PMEPA1: variants seen among roughly 807,000 people sequenced by gnomAD.
The protein encoded by PMEPA1 is protein TMEPAI.
PMEPA1 carries 11 observed loss-of-function variants against 23.0 expected under a neutral mutation model. That is an observed-to-expected ratio of 0.48 (90% CI 0.30 to 0.79). PMEPA1 has a LOEUF of 0.79. Ranked by LOEUF, PMEPA1 falls within the 30% of genes least tolerant of loss-of-function variation. The pLI, the probability that PMEPA1 is intolerant of heterozygous loss-of-function variation, is 0.06. For synonymous variants in PMEPA1, 204 were observed against 166.4 expected, an observed-to-expected ratio of 1.23 and a Z score of -1.74; for missense variants, 377 against 390.9, an observed-to-expected ratio of 0.96 and a Z score of 0.30.
chr20:57,658,031 GAT>G (rs2071351991), intron 2 of PMEPA1, among the ~76,000 whole-genome samples: 1 of 152,238 alleles, frequency 6.6e-6, no homozygotes, highest in Admixed American at 6.5e-5. Context: ...GCCATTAAGA[GAT>G]TAACTCTGTG....
rs781127805 is a variant in PMEPA1, at chr20:57,683,485, G to A, written c.110-23788C>T. 2.6e-5 allele frequency among the ~76,000 whole-genome samples: 4 copies of A among 151,742 alleles called. No individual in the cohort carries two copies. The highest frequency in any genetic ancestry group is 6.6e-5 in the Admixed American group (1 of 15,230). ...TTCCTGCTTGGGAGCTTCCTGGAGC[G>A]AGCAGCCCTGCATGCATTACGAACT... On this transcript the variant is annotated intron_variant, in intron 1 of 3. Transcript: ENST00000341744. The surrounding 1 kb of genome is among the most constrained non-coding windows in gnomAD (Gnocchi z 4.3).
chr20:57,662,499 C>T (rs753885413), intron 1 of PMEPA1, among the ~76,000 whole-genome samples: 18 of 152,208 alleles, frequency 1.2e-4, no homozygotes, highest in Admixed American at 9.8e-4. Flanking sequence ...AGCCCTGGGC[C>T]GCCTGTGGGA....
At chr20:57,709,276 C>A (rs963161078) in intron 1 of PMEPA1, among the ~76,000 whole-genome samples, 198 bp downstream of exon 1, 2 of 147,796 alleles carry the variant, frequency 1.4e-5, no homozygotes, top group African/African-American at 4.9e-5. Context: ...AGGCTCGCAG[C>A]GCCGCGGGAC....
At chr20:57,676,876 AC>A (rs1028180313) in intron 1 of PMEPA1, among the ~76,000 whole-genome samples, 1 of 152,012 alleles carries the variant, frequency 6.6e-6, no homozygotes, top group African/African-American at 2.4e-5. Flanking sequence ...TCTTGCAAAC[AC>A]ACCCCCCGTC....
At chr20:57,685,313 T>C (rs2071786075) in intron 1 of PMEPA1, among the ~76,000 whole-genome samples, 1 of 152,354 alleles carries the variant, frequency 6.6e-6, no homozygotes, top group African/African-American at 2.4e-5. Context: ...CCGGGGAGTC[T>C]GGGCCGAAAA....
Position 57,650,273 on chromosome 20 carries a change from T to C in PMEPA1, c.*1780A>G, listed in dbSNP as rs1253770546. On this transcript the variant is annotated 3_prime_UTR_variant, in exon 4 of 4. Transcript: ENST00000341744. ...TTTTATATCTTTTATGTTAGTCTAC[T>C]AGTCAGCATTCTGCCCAAAATGGAA... 2.0e-5 allele frequency: 3 copies of C among 152,230 alleles called. No homozygotes were observed. The highest frequency in any genetic ancestry group is 7.2e-5 in the African/African-American group (3 of 41,466). The allele number at this position is 152,230 out of a possible 1,614,324, so 9.4% of individuals were successfully genotyped here.
chr20:57,652,139 G>T lies in PMEPA1; in HGVS notation c.778C>A (p.Arg260=), dbSNP rs774716254. 36 of 1,596,802 alleles carry T rather than the reference G, an allele frequency of 2.3e-5. No homozygotes were observed. The South Asian group carries it at 3.9e-4, about 17-fold the overall frequency. ...GGCGCGATGTGTGTGTGGTGGAGCCGGGTCCCCTCCAGCAAGGAGGGCGGC... is the reference window on the plus strand; with the variant it reads ...GGCGCGATGTGTGTGTGGTGGAGCCTGGTCCCCTCCAGCAAGGAGGGCGGC... ...SGPPSLLEGT[R]LHHTHIAPLE... is the part of the protein sequence containing the mutation. Residue 260 remains arginine (R), a synonymous_variant, in exon 4 of 4, where the codon CGG becomes AGG. Transcript: ENST00000341744. The surrounding 1 kb of genome is among the most constrained non-coding windows in gnomAD (Gnocchi z 6.1).
At chr20:57,676,772 C>A (rs1211513028) in intron 1 of PMEPA1, among the ~76,000 whole-genome samples, 2 of 152,302 alleles carry the variant, frequency 1.3e-5, no homozygotes, top group South Asian at 4.1e-4. Flanking sequence ...ACACAGAGAC[C>A]CTGTGGCCAA....
chr20:57,706,951 C>T (rs1288017446), intron 1 of PMEPA1, among the ~76,000 whole-genome samples: 9 of 152,174 alleles, frequency 5.9e-5, no homozygotes, highest in African/African-American at 2.2e-4. Flanking sequence ...GGGAGAGGCC[C>T]TATCTTGAAA....
At chr20:57,699,627 G>T (rs534145895) in intron 1 of PMEPA1, among the ~76,000 whole-genome samples, 1 of 152,236 alleles carries the variant, frequency 6.6e-6, no homozygotes. Flanking sequence ...GATGAGCAGA[G>T]GGGTAACTAG....
In PMEPA1 at chr20:57,710,012, T is replaced by C; in HGVS notation, c.-430A>G. On this transcript the variant is annotated 5_prime_UTR_variant, in exon 1 of 4. Transcript: ENST00000341744. ...CGCGGTCGGAGGCAGGCAGACGGTC[T>C]GACGTCAGCGCTAGACGGGGCTGCC... 1.0e-6 allele frequency: 1 copy of C among 993,574 alleles called. No homozygotes were observed. Among genetic ancestry groups the C allele is most frequent in the Non-Finnish European group, 1.2e-6 (1 of 835,548 alleles). The allele number at this position is 993,574 out of a possible 1,614,324, so 61.5% of individuals were successfully genotyped here. A position where few individuals can be genotyped will look rare whatever the true frequency, so the allele number is the denominator to read the frequency against.
chr20:57,677,107 G>A (rs768104158), intron 1 of PMEPA1, among the ~76,000 whole-genome samples: 1 of 152,154 alleles, frequency 6.6e-6, no homozygotes, highest in Admixed American at 6.5e-5. Context: ...CTTGCCCTGG[G>A]TCTGTCATCC....
At position 57,660,796 on chromosome 20, in the gene PMEPA1, G is replaced by A. The variant is rs181130204; in HGVS notation, c.110-1099C>T. Among the ~76,000 whole-genome samples, 43 of 137,800 alleles carry A rather than the reference G, an allele frequency of 3.1e-4. 1 individual carries two copies. The highest frequency in any genetic ancestry group is 2.2e-4 in the Admixed American group (3 of 13,832). 90.4% of individuals were successfully genotyped at this position (137,800 alleles called of 152,430 possible). On this transcript the variant is annotated intron_variant, in intron 1 of 3. Transcript: ENST00000341744. ...AACACCCCAACACTCCTACACACAC[G>A]TCAACAACACTACATACTCCAACAC...
intron 2 of PMEPA1, among the ~76,000 whole-genome samples, chr20:57,658,816 G>T (rs1240448064): frequency 6.6e-6 from 1 of 152,206 alleles, no homozygotes; most frequent in African/African-American, 2.4e-5. Context: ...CACGAGGGCA[G>T]GGCCGCCACC....
At chr20:57,700,375 T>C (rs963780852) in intron 1 of PMEPA1, among the ~76,000 whole-genome samples, 1 of 152,242 alleles carries the variant, frequency 6.6e-6, no homozygotes, top group South Asian at 2.1e-4. Flanking sequence ...AAATAAGCAC[T>C]TGGCACAGCC....
At chr20:57,677,411 C>A (rs943732108) in intron 1 of PMEPA1, among the ~76,000 whole-genome samples, 1 of 152,138 alleles carries the variant, frequency 6.6e-6, no homozygotes, top group African/African-American at 2.4e-5. Context: ...GTCAAGTGCA[C>A]CTCACCAGCA....
Position 57,652,959 on chromosome 20 carries a change from C to T in PMEPA1, c.318+74G>A. 7.8e-7 allele frequency: 1 copy of T among 1,280,980 alleles called. No individual in the cohort carries two copies. The highest frequency in any genetic ancestry group is 1.3e-5 in the South Asian group (1 of 79,124). The allele number at this position is 1,280,980 out of a possible 1,614,324, so 79.4% of individuals were successfully genotyped here. A position where few individuals can be genotyped will look rare whatever the true frequency, so the allele number is the denominator to read the frequency against. On this transcript the variant is annotated intron_variant, in intron 3 of 3. Transcript: ENST00000341744. The surrounding 1 kb of genome is among the most constrained non-coding windows in gnomAD (Gnocchi z 6.1). ...GGAGGGGTGAGCCTTTAGCAGCCCA[C>T]ACTGTTCCAGCCGCAGCGGGAGCAG... is the stretch of plus-strand genomic sequence containing the variant.
chr20:57,685,642 C>T (rs2071791312), intron 1 of PMEPA1, among the ~76,000 whole-genome samples: 1 of 152,156 alleles, frequency 6.6e-6, no homozygotes, highest in South Asian at 2.1e-4. Flanking sequence ...TAGAAACCAT[C>T]ATCTGTGATT....
In PMEPA1 at chr20:57,650,670, C is replaced by T. The variant is rs529414648; in HGVS notation, c.*1383G>A. On this transcript the variant is annotated 3_prime_UTR_variant, in exon 4 of 4. Transcript: ENST00000341744. ...AAGAGAAGGTGAAGAATTCTGCGCC[C>T]GAAGCTCGGGTTGGTGTTTGCTCAA... 1 of 152,352 alleles carries T rather than the reference C, an allele frequency of 6.6e-6. No homozygotes were observed. Among genetic ancestry groups the T allele is most frequent in the East Asian group, 1.9e-4 (1 of 5,188 alleles). The allele number at this position is 152,352 out of a possible 1,614,324, so 9.4% of individuals were successfully genotyped here. A position where few individuals can be genotyped will look rare whatever the true frequency, so the allele number is the denominator to read the frequency against.
Sources: allele counts gnomAD v4.1 joint callset (sites outside exome capture counted in the v4.1 genomes callset), GRCh38; gene constraint gnomAD v4.1.1; non-coding constraint Gnocchi (gnomAD v3.1); transcripts MANE v1.5; gene names NCBI Gene and HGNC (gene_info 2026-07-23, HGNC 2026-07-21).